Variants in RGS6 observed in about 807,000 individuals in gnomAD.
RGS6 encodes regulator of G protein signaling 6.
RGS6 carries 30 observed loss-of-function variants against 78.5 expected under a neutral mutation model. The ratio of observed to expected loss-of-function variants is 0.38; its 90% CI spans 0.29 to 0.52. The LOEUF is 0.52. Ranked by LOEUF, RGS6 falls within the 20% of genes least tolerant of loss-of-function variation. The pLI is 0.85. For missense variants in RGS6, 495 were observed against 609.7 expected (o/e 0.81, Z 1.98); for synonymous variants, 206 against 206.0 (o/e 1.00, Z 0.00).
At chr14:72,116,061 A>T (rs1414513831) in intron 2 of RGS6, among the ~76,000 whole-genome samples, 4 of 152,252 alleles carry the variant, frequency 2.6e-5, no homozygotes, top group African/African-American at 2.4e-5. Flanking sequence ...ATTATTTGAG[A>T]CTAAGCAGTA....
the RGS6 span, among the ~76,000 whole-genome samples, chr14:71,927,414 A>T: frequency 6.6e-6 from 1 of 152,206 alleles, no homozygotes; most frequent in East Asian, 1.9e-4. Context: ...TGGAAACAGA[A>T]AAAATCCACT....
In RGS6 at chr14:72,047,892, ATTTTTG is replaced by A. The variant is rs1292562121; in HGVS notation, c.84+83023_84+83028del. Among the ~76,000 whole-genome samples the A allele has an allele frequency of 1.6e-4, 13 of 83,458 alleles. 1 individual carries two copies. The highest frequency in any genetic ancestry group is 2.6e-4 in the Admixed American group (2 of 7,820). 54.8% of individuals were successfully genotyped at this position (83,458 alleles called of 152,430 possible). ...AGGCATGTGCCACTATGCCCAGCTAATTTTTGTTTTTTTTTTTTTTTTTTTTTTTAG... is the reference window on the plus strand; with the variant it reads ...AGGCATGTGCCACTATGCCCAGCTAATTTTTTTTTTTTTTTTTTTTTTTAG... On this transcript the variant is annotated intron_variant, in intron 2 of 17. Transcript: ENST00000553525.
chr14:72,503,800 C>T (rs2096761530), intron 13 of RGS6, among the ~76,000 whole-genome samples: 1 of 152,226 alleles, frequency 6.6e-6, no homozygotes, highest in South Asian at 2.1e-4. Flanking sequence ...CTCTGGTCTT[C>T]CAGGCCCATT....
At chr14:72,130,129 G>A (rs1426941713) in intron 2 of RGS6, among the ~76,000 whole-genome samples, 1 of 152,188 alleles carries the variant, frequency 6.6e-6, no homozygotes, top group Non-Finnish European at 1.5e-5. Flanking sequence ...ACTAAGGAAA[G>A]TGCTATACTT....
intron 2 of RGS6, among the ~76,000 whole-genome samples, chr14:72,325,074 T>A (rs1051015045): frequency 5.3e-5 from 8 of 152,334 alleles, no homozygotes; most frequent in South Asian, 2.1e-4. Context: ...GGTATCTCAT[T>A]GTGGTTTTGA....
intron 2 of RGS6, among the ~76,000 whole-genome samples, chr14:72,218,103 C>T (rs898875242): frequency 8.5e-5 from 13 of 152,060 alleles, no homozygotes; most frequent in Non-Finnish European, 1.3e-4. Context: ...AAGCGTGTCC[C>T]ATAGGTGAAC....
intron 3 of RGS6, among the ~76,000 whole-genome samples, chr14:72,393,419 T>C (rs2090461839): frequency 6.6e-6 from 1 of 152,190 alleles, no homozygotes; most frequent in Non-Finnish European, 1.5e-5. Context: ...CATCACCAGT[T>C]AGTAACGCAT....
intron 13 of RGS6, among the ~76,000 whole-genome samples, chr14:72,507,580 C>T (rs1206314295): frequency 6.6e-6 from 1 of 152,202 alleles, no homozygotes; most frequent in Non-Finnish European, 1.5e-5. Flanking sequence ...TCTACATCTA[C>T]AGTGACACCC....
At chr14:72,454,968 C>T (rs576151109) in intron 4 of RGS6, among the ~76,000 whole-genome samples, 2 of 152,336 alleles carry the variant, frequency 1.3e-5, no homozygotes, top group East Asian at 3.9e-4. Flanking sequence ...CTAAGACTCC[C>T]TCTGTTTTCT....
At chr14:72,071,416 G>A (rs145791392) in intron 2 of RGS6, among the ~76,000 whole-genome samples, 25 of 152,282 alleles carry the variant, frequency 1.6e-4, no homozygotes, top group African/African-American at 5.8e-4. Context: ...ATATATTCCT[G>A]GGGGTAGAAT....
chr14:72,436,559 C>T (rs565980135), intron 3 of RGS6, among the ~76,000 whole-genome samples: 56 of 152,326 alleles, frequency 3.7e-4, no homozygotes, highest in African/African-American at 1.3e-3. Context: ...TCATGGTCTA[C>T]ATCTTACTCC....
chr14:71,919,691 C>T, the RGS6 span, among the ~76,000 whole-genome samples: 1 of 152,092 alleles, frequency 6.6e-6, no homozygotes, highest in African/African-American at 2.4e-5. Flanking sequence ...TAGCATAACA[C>T]ACATTAGAAA....
chr14:72,252,828 A>G (rs1171939027), intron 2 of RGS6, among the ~76,000 whole-genome samples: 1 of 152,208 alleles, frequency 6.6e-6, no homozygotes, highest in Non-Finnish European at 1.5e-5. Context: ...GTTAAGAGAG[A>G]TACAATGACA....
intron 2 of RGS6, among the ~76,000 whole-genome samples, chr14:72,321,712 A>G (rs1257066500): frequency 6.6e-6 from 1 of 152,020 alleles, no homozygotes; most frequent in Non-Finnish European, 1.5e-5. Context: ...AAAACTACCA[A>G]AAAGATAAGG....
intron 13 of RGS6, among the ~76,000 whole-genome samples, chr14:72,508,053 T>C (rs2096831040): frequency 6.6e-6 from 1 of 152,218 alleles, no homozygotes; most frequent in Non-Finnish European, 1.5e-5. Context: ...TCATGTCTTG[T>C]TGTGAAAGGC....
intron 1 of RGS6, among the ~76,000 whole-genome samples, chr14:71,942,184 A>T (rs1373485925): frequency 6.6e-6 from 1 of 152,200 alleles, no homozygotes; most frequent in Non-Finnish European, 1.5e-5. Flanking sequence ...GAAAGCAAAA[A>T]TGCTTATAAG....
chr14:72,021,627 C>T (rs906673924), intron 2 of RGS6, among the ~76,000 whole-genome samples: 4 of 151,442 alleles, frequency 2.6e-5, no homozygotes, highest in African/African-American at 9.8e-5. Flanking sequence ...TGCCACCACA[C>T]CTGGCTTATT....
At chr14:72,600,132 A>G in the RGS6 span, among the ~76,000 whole-genome samples, 1 of 151,430 alleles carries the variant, frequency 6.6e-6, no homozygotes, top group Non-Finnish European at 1.5e-5. Flanking sequence ...ACACATACAC[A>G]CACAGAGAGA....
intron 2 of RGS6, among the ~76,000 whole-genome samples, chr14:72,260,140 A>C (rs2057877436): frequency 6.6e-6 from 1 of 152,190 alleles, no homozygotes; most frequent in South Asian, 2.1e-4. Context: ...TATGCTTTTA[A>C]CTGTATAAAG....
Sources: gnomAD v4.1 joint callset for allele counts (sites outside exome capture counted in the v4.1 genomes callset) on GRCh38, gnomAD v4.1.1 for gene constraint, MANE v1.5 for transcripts, NCBI Gene and HGNC (gene_info 2026-07-23, HGNC 2026-07-21) for gene names.